Variants in HNRNPM observed in about 807,000 individuals in gnomAD.
HNRNPM encodes heterogeneous nuclear ribonucleoprotein M.
HNRNPM carries 11 observed loss-of-function variants against 73.1 expected under a neutral mutation model. The observed-to-expected ratio is 0.15, with a 90% CI of 0.09 to 0.25. HNRNPM has a LOEUF of 0.25. HNRNPM is among the 10% of genes least tolerant of loss of function. The pLI, the probability that HNRNPM is intolerant of heterozygous loss-of-function variation, is 1.00. For synonymous variants in HNRNPM, 407 were observed against 355.2 expected (o/e 1.15, Z -1.64); for missense variants, 789 against 1,067.9 (o/e 0.74, Z 3.64).
intron 12 of HNRNPM, among the ~76,000 whole-genome samples, chr19:8,482,294 A>G (rs902601609): frequency 6.6e-6 from 1 of 152,194 alleles, no homozygotes; most frequent in Non-Finnish European, 1.5e-5. Context: ...GTGGTCATAA[A>G]GCGAAATGTG....
At position 8,484,173 on chromosome 19, in the gene HNRNPM, C is replaced by CTT. The variant is rs33931165; in HGVS notation, c.1174+980_1174+981dup. Among the ~76,000 whole-genome samples, 61 of 110,162 alleles carry CTT rather than the reference C, an allele frequency of 5.5e-4. 2 individuals carry two copies. Among genetic ancestry groups the CTT allele is most frequent in the African/African-American group, 1.8e-3 (55 of 31,010 alleles). 72.3% of individuals were successfully genotyped at this position (110,162 alleles called of 152,430 possible). On this transcript the variant is annotated intron_variant, in intron 13 of 15. Transcript: ENST00000325495. ...ACGCTGGTACCATTTCCTCCCATTT[C>CTT]TTTTTTTTTTTTTTTTTTTGAGAGA...
chr19:8,475,259 T>A (rs1351661089), intron 12 of HNRNPM, among the ~76,000 whole-genome samples: 1 of 146,446 alleles, frequency 6.8e-6, no homozygotes, highest in Non-Finnish European at 1.5e-5. Flanking sequence ...TAGAAGTGCC[T>A]CCAGCACAGC....
chr19:8,447,165 A>G (rs958521490), intron 1 of HNRNPM, among the ~76,000 whole-genome samples: 1 of 152,144 alleles, frequency 6.6e-6, no homozygotes, highest in South Asian at 2.1e-4. Context: ...GTTGTGAGAA[A>G]GAGGCTCAAA....
In HNRNPM at chr19:8,486,084, C is replaced by T. The variant is rs1024943423; in HGVS notation, c.1656C>T (p.Ala552=). ...ERMGPVMDRM[A]TGLERMGANN... is the part of the protein sequence containing the mutation. ...TGGGCCCCGTGATGGATCGCATGGC[C>T]ACCGGCCTGGAGCGCATGGGCGCCA... The change falls in exon 14 of 16, where the codon GCC becomes GCT. Residue 552 remains alanine (A), a synonymous_variant. Transcript: ENST00000325495. 2 of 1,605,914 alleles carry T rather than the reference C, an allele frequency of 1.2e-6. No homozygotes were observed. The highest frequency in any genetic ancestry group is 1.3e-5 in the African/African-American group (1 of 74,478).
intron 10 of HNRNPM, among the ~76,000 whole-genome samples, chr19:8,473,419 C>T (rs371474681): frequency 5.0e-4 from 76 of 151,732 alleles, no homozygotes; most frequent in African/African-American, 1.7e-3. Flanking sequence ...CAAGATTGTG[C>T]CATTGCATTC....
chr19:8,467,247 A>T (rs1969819142), intron 7 of HNRNPM, among the ~76,000 whole-genome samples: 1 of 152,208 alleles, frequency 6.6e-6, no homozygotes, highest in Non-Finnish European at 1.5e-5. Context: ...CATTGGTCAC[A>T]TTCAGAGAAC....
At chr19:8,463,795 C>T in intron 5 of HNRNPM, 109 bp downstream of exon 5, 1 of 714,608 alleles carries the variant, frequency 1.4e-6, no homozygotes, top group Non-Finnish European at 2.4e-6. Context: ...AAAGCAAGTG[C>T]CAGCCTGTTG....
chr19:8,455,614 G>T, intron 2 of HNRNPM, 40 bp downstream of exon 2: 2 of 1,545,608 alleles, frequency 1.3e-6, no homozygotes, highest in Non-Finnish European at 1.8e-6. Flanking sequence ...GAAGGTTGGT[G>T]TGTCATCTTT....
chr19:8,459,900 ATT>A lies in HNRNPM; in HGVS notation c.284-2624_284-2623del, dbSNP rs1257064241. 3.3e-5 allele frequency among the ~76,000 whole-genome samples: 5 copies of A among 152,218 alleles called. No individual in the cohort carries two copies. The East Asian group carries it at 9.6e-4, about 29-fold the overall frequency. On this transcript the variant is annotated intron_variant, in intron 2 of 15. Coordinates refer to ENST00000325495, the MANE Select transcript of HNRNPM (RefSeq NM_005968.5). Reference sequence around the variant, plus strand: ...AGAGGTAGATAACAGTTGGTGTTAGATTTTTTAATGTCTTAGTTTTTTCAATA... The same window carrying A: ...AGAGGTAGATAACAGTTGGTGTTAGATTTTAATGTCTTAGTTTTTTCAATA...
chr19:8,470,593 G>T (rs1970062379), intron 9 of HNRNPM, among the ~76,000 whole-genome samples: 1 of 152,218 alleles, frequency 6.6e-6, no homozygotes, highest in Admixed American at 6.5e-5. Context: ...CTCCCAAAGT[G>T]CTGGGATTTC....
Position 8,446,872 on chromosome 19 carries a change from A to G in HNRNPM, c.113+1761A>G, listed in dbSNP as rs563666334. 1.0e-3 allele frequency among the ~76,000 whole-genome samples: 155 copies of G among 152,268 alleles called. 1 individual carries two copies. Among genetic ancestry groups the G allele is most frequent in the African/African-American group, 3.4e-3 (141 of 41,556 alleles). ...CTTCCTCTATTCCCAGCATTTTACTATTGAAAACTCTGGGAAGGAATGTGT... is the reference window on the plus strand; with the variant it reads ...CTTCCTCTATTCCCAGCATTTTACTGTTGAAAACTCTGGGAAGGAATGTGT... On this transcript the variant is annotated intron_variant, in intron 1 of 15. Transcript: ENST00000325495.
At chr19:8,455,370 A>G (rs1225992197) in intron 1 of HNRNPM, 35 bp from the exon 2 acceptor site, 4 of 1,568,866 alleles carry the variant, frequency 2.5e-6, no homozygotes, top group Non-Finnish European at 2.6e-6. Flanking sequence ...TGACATATAA[A>G]CCCTTTACCT....
At chr19:8,457,419 C>T (rs1226125760) in intron 2 of HNRNPM, among the ~76,000 whole-genome samples, 2 of 152,166 alleles carry the variant, frequency 1.3e-5, no homozygotes, top group Non-Finnish European at 2.9e-5. Flanking sequence ...CCCTGGCATA[C>T]TGCTACGAAT....
chr19:8,470,028 C>T (rs180962346), intron 9 of HNRNPM, among the ~76,000 whole-genome samples: 1 of 152,348 alleles, frequency 6.6e-6, no homozygotes, highest in East Asian at 1.9e-4. Flanking sequence ...TCAGTGTGCT[C>T]ACCTGAGCAG....
intron 12 of HNRNPM, among the ~76,000 whole-genome samples, chr19:8,482,319 T>G (rs927613086): frequency 1.3e-5 from 2 of 152,162 alleles, no homozygotes; most frequent in South Asian, 2.1e-4. Context: ...GTGGCTAATG[T>G]CCAAGTTGCT....
chr19:8,463,726 G>A (rs1453863817), intron 5 of HNRNPM, 40 bp downstream of exon 5: 1 of 1,333,222 alleles, frequency 7.5e-7, no homozygotes, highest in East Asian at 2.3e-5. Context: ...GTGTGTAATT[G>A]TTGAGTGATC....
chr19:8,455,402 C>T lies in HNRNPM; in HGVS notation c.114-3C>T. Reference sequence around the variant, plus strand: ...ACCTTTTTTTCCTCTCTCTCGAATTCAGTGAAGGAGAACGACCTGCTCAGA... The same window carrying T: ...ACCTTTTTTTCCTCTCTCTCGAATTTAGTGAAGGAGAACGACCTGCTCAGA... On this transcript the variant is annotated splice_region_variant and splice_polypyrimidine_tract_variant and intron_variant, in intron 1 of 15. Transcript: ENST00000325495. 6.2e-7 allele frequency: 1 copy of T among 1,609,760 alleles called. No individual in the cohort carries two copies. Among genetic ancestry groups the T allele is most frequent in the African/African-American group, 1.3e-5 (1 of 74,548 alleles).
intron 1 of HNRNPM, among the ~76,000 whole-genome samples, chr19:8,450,189 A>T (rs1387462276): frequency 6.6e-6 from 1 of 152,116 alleles, no homozygotes; most frequent in Non-Finnish European, 1.5e-5. Flanking sequence ...ACTTTATATA[A>T]GGGATGGTTC....
intron 2 of HNRNPM, among the ~76,000 whole-genome samples, chr19:8,459,250 G>A (rs907145526): frequency 4.6e-5 from 7 of 152,152 alleles, no homozygotes; most frequent in African/African-American, 7.2e-5. Flanking sequence ...ATGCTAAAGC[G>A]TTCATATGTA....
Sources: gnomAD v4.1 joint callset for allele counts (sites outside exome capture counted in the v4.1 genomes callset) on GRCh38, gnomAD v4.1.1 for gene constraint, MANE v1.5 for transcripts, NCBI Gene and HGNC (gene_info 2026-07-23, HGNC 2026-07-21) for gene names.